Variants in SLC35D1 observed in about 807,000 individuals in gnomAD.
The protein encoded by SLC35D1 is nucleotide sugar transporter SLC35D1.
SLC35D1 carries 31 observed loss-of-function variants against 46.7 expected under a neutral mutation model. The ratio of observed to expected loss-of-function variants is 0.66; its 90% CI spans 0.50 to 0.90. SLC35D1 has a LOEUF of 0.90. SLC35D1 is among the 40% of genes least tolerant of loss of function. The probability of loss-of-function intolerance (pLI) is 0.00; values close to 1 mark genes in which losing one functional copy is unlikely to be tolerated. For missense variants in SLC35D1, 397 were observed against 426.2 expected (o/e 0.93, Z 0.60); for synonymous variants, 195 against 164.6 (o/e 1.18, Z -1.41).
the SLC35D1 span, among the ~76,000 whole-genome samples, chr1:66,977,587 C>G: frequency 2.6e-5 from 4 of 152,108 alleles, no homozygotes; most frequent in Non-Finnish European, 1.5e-5. Flanking sequence ...TCTGATATGC[C>G]TAATTTATTC....
chr1:67,035,928 C>G (rs1441108773), intron 8 of SLC35D1, among the ~76,000 whole-genome samples: 2 of 149,504 alleles, frequency 1.3e-5, no homozygotes, highest in Non-Finnish European at 3.0e-5. Flanking sequence ...TTTTTAATTT[C>G]CATCTTAATT....
rs1667333673 is a variant in SLC35D1 at position 67,001,242 on chromosome 1, C to T, written c.*3098G>A. On this transcript the variant is annotated 3_prime_UTR_variant, in exon 12 of 12. Transcript: ENST00000235345. ...ACTGTTTCTCCGTGAGGATCCTGCA[C>T]CAGCTGTACTGACCAAAACCCTCCA... The T allele has an allele frequency of 6.6e-6, 1 of 152,266 alleles. No homozygotes were observed. Among genetic ancestry groups the T allele is most frequent in the Non-Finnish European group, 1.5e-5 (1 of 68,038 alleles). 9.4% of individuals were successfully genotyped at this position (152,266 alleles called of 1,614,324 possible).
At position 67,021,556 on chromosome 1, in the gene SLC35D1, A is replaced by T. The variant is rs553561259; in HGVS notation, c.776T>A (p.Phe259Tyr). 15 of 1,614,090 alleles carry T rather than the reference A, an allele frequency of 9.3e-6. No homozygotes were observed. Among genetic ancestry groups the T allele is most frequent in the Non-Finnish European group, 1.2e-5 (14 of 1,179,942 alleles). ...TTACCCCATCACACAGGAGAGGGTG[A>T]ACTGCAGAAGAAAGAGGGTGTCAGC... The part of the protein sequence containing the change: ...GWADTLFLLQ[F>Y]TLSCVMGFIL... The change falls in exon 9 of 12, where the codon TTC becomes TAC. Residue 259 changes from phenylalanine (F) to tyrosine (Y), a missense_variant. Physicochemically the swap from Phe to Tyr is conservative, Grantham distance 22. Coordinates refer to ENST00000235345, the MANE Select transcript of SLC35D1 (RefSeq NM_015139.3).
the SLC35D1 span, chr1:66,987,930 T>C: frequency 6.6e-6 from 1 of 152,314 alleles, no homozygotes; most frequent in African/African-American, 2.4e-5. Context: ...TCTGTTTCTC[T>C]TCTGCTGGAT....
chr1:67,044,699 A>G (rs1645232333), intron 7 of SLC35D1, among the ~76,000 whole-genome samples: 1 of 152,218 alleles, frequency 6.6e-6, no homozygotes, highest in African/African-American at 2.4e-5. Context: ...GTAATATTTT[A>G]AAGTTAAAAA....
intron 9 of SLC35D1, 151 bp downstream of exon 9, chr1:67,021,384 C>G (rs1373365534): frequency 6.0e-6 from 5 of 836,938 alleles, no homozygotes; most frequent in Non-Finnish European, 8.1e-6. Context: ...AGCACATTCC[C>G]AAGAGCTATG....
chr1:66,986,179 A>G, the SLC35D1 span: 85 of 1,234,450 alleles, frequency 6.9e-5, no homozygotes, highest in African/African-American at 1.3e-4. Flanking sequence ...TTACAATCCA[A>G]TTTTTCAGAT....
In SLC35D1 at chr1:67,020,417, G is replaced by T. The variant is rs767721209; in HGVS notation, c.828C>A (p.Cys276Ter). ...TTGTAAGAGCAGAATTATACTGCGT[G>T]CAGAGTACTGTGGCGTACATTAAGA... ...GFILMYATVL[C>*]TQYNSALTTT... The change falls in exon 10 of 12, where the codon TGC (cysteine) becomes TGA (stop). Residue 276 changes from cysteine (C) to a stop codon, truncating the protein, a stop_gained. Coordinates refer to ENST00000235345, the MANE Select transcript of SLC35D1 (RefSeq NM_015139.3). LOFTEE classifies it high-confidence loss of function. The T allele has an allele frequency of 1.2e-6, 2 of 1,610,764 alleles. No homozygotes were observed.
rs982625086 is a variant in SLC35D1, at chr1:67,000,447, A to G, written c.*3893T>C. On this transcript the variant is annotated 3_prime_UTR_variant, in exon 12 of 12. Transcript: ENST00000235345. The stretch of plus-strand genomic sequence containing the variant: ...TAATGGCCGTAATTGTGTCCAGCAG[A>G]TATTTTTAAAAAAGAAAAGACAGTG... 8 of 152,304 alleles carry G rather than the reference A, an allele frequency of 5.3e-5. No individual in the cohort carries two copies. The highest frequency in any genetic ancestry group is 1.9e-4 in the African/African-American group (8 of 41,424). The allele number at this position is 152,304 out of a possible 1,614,324, so 9.4% of individuals were successfully genotyped here.
chr1:67,048,006 CAG>C (rs992115943), intron 6 of SLC35D1, among the ~76,000 whole-genome samples: 14 of 152,142 alleles, frequency 9.2e-5, no homozygotes, highest in African/African-American at 3.4e-4. Flanking sequence ...GTAAATTAAA[CAG>C]AATAAATGAA....
chr1:67,028,622 G>A (rs10489633), intron 8 of SLC35D1, among the ~76,000 whole-genome samples: 29,536 of 151,930 alleles, frequency 0.19, 5,331 homozygotes, highest in African/African-American at 0.49. Context: ...TTTACATTCT[G>A]TGTTTACTGA....
At chr1:67,038,415 C>T (rs896897081) in intron 8 of SLC35D1, among the ~76,000 whole-genome samples, 1 of 152,044 alleles carries the variant, frequency 6.6e-6, no homozygotes, top group Admixed American at 6.5e-5. Context: ...CATTATACAG[C>T]GTACCACAGA....
intron 7 of SLC35D1, 29 bp from the exon 8 acceptor site, chr1:67,042,357 T>C (rs369535242): frequency 6.2e-7 from 1 of 1,601,288 alleles, no homozygotes; most frequent in Admixed American, 1.7e-5. Flanking sequence ...AGGTGTTTCA[T>C]CTGCGTTTTG....
intron 8 of SLC35D1, among the ~76,000 whole-genome samples, chr1:67,024,299 G>T (rs1247071719): frequency 6.6e-6 from 1 of 152,224 alleles, no homozygotes. Flanking sequence ...TGTTAATGTT[G>T]ATGTAGTCTA....
downstream of SLC35D1, among the ~76,000 whole-genome samples, chr1:66,997,519 A>AATATATATATATATATATATATATATAT (rs35571347): frequency 1.4e-5 from 1 of 74,028 alleles, no homozygotes; most frequent in African/African-American, 5.0e-5. Flanking sequence ...AAAAAAAAAA[A>AATATATATATATATATATATATATATAT]ATATATATAT....
the SLC35D1 span, among the ~76,000 whole-genome samples, chr1:66,991,389 C>T: frequency 2.0e-5 from 3 of 152,160 alleles, no homozygotes; most frequent in Non-Finnish European, 4.4e-5. Flanking sequence ...GTCCCAGTTG[C>T]CCTCTGGGTT....
At chr1:67,049,077 G>A (rs1410538859) in intron 6 of SLC35D1, among the ~76,000 whole-genome samples, 3 of 152,104 alleles carry the variant, frequency 2.0e-5, no homozygotes, top group Admixed American at 6.5e-5. Context: ...GGCGGATCAC[G>A]AGGTCAGGAG....
At chr1:66,984,126 A>C in the SLC35D1 span, among the ~76,000 whole-genome samples, 51 of 152,370 alleles carry the variant, frequency 3.3e-4, no homozygotes, top group East Asian at 8.5e-3. Flanking sequence ...TTTTTAAAGA[A>C]AGAGCATTCA....
downstream of SLC35D1, among the ~76,000 whole-genome samples, chr1:66,996,613 C>A (rs1436919541): frequency 6.6e-6 from 1 of 152,086 alleles, no homozygotes; most frequent in Non-Finnish European, 1.5e-5. Context: ...GATGGATGAA[C>A]CAATGTATAC....
Sources: gnomAD v4.1 joint callset for allele counts (sites outside exome capture counted in the v4.1 genomes callset) on GRCh38, gnomAD v4.1.1 for gene constraint, MANE v1.5 for transcripts, NCBI Gene and HGNC (gene_info 2026-07-23, HGNC 2026-07-21) for gene names.